The following SLC17A1 variants were observed in gnomAD, a reference collection of about 807,000 sequenced individuals.
SLC17A1 encodes the protein solute carrier family 17 member 1, also known as sodium-dependent phosphate transport protein 1.
Under a neutral mutation model 53.5 loss-of-function variants are expected in SLC17A1, and 51 were observed. That is an observed-to-expected ratio of 0.95 (90% CI 0.76 to 1.20). SLC17A1 has a LOEUF of 1.20. Among genes scored for constraint, SLC17A1 ranks in the 50% most tolerant of loss-of-function variants. The probability of loss-of-function intolerance (pLI) is 0.00; values close to 1 mark genes in which losing one functional copy is unlikely to be tolerated. For missense variants in SLC17A1, 538 were observed against 568.2 expected, an observed-to-expected ratio of 0.95 and a Z score of 0.54; for synonymous variants, 179 against 198.8, an observed-to-expected ratio of 0.90 and a Z score of 0.84.
At chr6:25,794,752 C>T (rs1763570356) in intron 12 of SLC17A1, among the ~76,000 whole-genome samples, 1 of 152,184 alleles carries the variant, frequency 6.6e-6, no homozygotes, top group Non-Finnish European at 1.5e-5. Flanking sequence ...GAAGCAACTT[C>T]TTCCTGGGTG....
intron 12 of SLC17A1, among the ~76,000 whole-genome samples, chr6:25,797,558 T>A (rs567903531): frequency 1.3e-5 from 2 of 152,206 alleles, no homozygotes; most frequent in East Asian, 3.9e-4. Context: ...TATTTAAAAA[T>A]CTGTTATGTC....
At chr6:25,798,076 A>T (rs544488286) in intron 12 of SLC17A1, among the ~76,000 whole-genome samples, 1 of 152,308 alleles carries the variant, frequency 6.6e-6, no homozygotes, top group East Asian at 1.9e-4. Flanking sequence ...TTTCATCAGA[A>T]GGTATACAAT....
the SLC17A1 span, among the ~76,000 whole-genome samples, chr6:25,759,989 G>A: frequency 6.6e-6 from 1 of 152,132 alleles, no homozygotes; most frequent in Non-Finnish European, 1.5e-5. Context: ...ATATTATTCT[G>A]TGTGGCTGTG....
chr6:25,761,814 C>G, the SLC17A1 span: 1 of 615,416 alleles, frequency 1.6e-6, no homozygotes, highest in South Asian at 2.4e-5. Flanking sequence ...TTCATAAACC[C>G]TAATCTACCA....
chr6:25,742,471 A>G, the SLC17A1 span, among the ~76,000 whole-genome samples: 35,306 of 148,156 alleles, frequency 0.24, 4,785 homozygotes, highest in Non-Finnish European at 0.3. Flanking sequence ...CCTGGGCAAC[A>G]TATTGAAATG....
the SLC17A1 span, among the ~76,000 whole-genome samples, chr6:25,756,269 TA>T: frequency 6.6e-6 from 1 of 152,158 alleles, no homozygotes; most frequent in African/African-American, 2.4e-5. Flanking sequence ...ACCTTCTGCC[TA>T]GAAAAACGTG....
At chr6:25,791,021 C>A (rs926037958) in intron 12 of SLC17A1, among the ~76,000 whole-genome samples, 2 of 152,024 alleles carry the variant, frequency 1.3e-5, no homozygotes, top group African/African-American at 4.8e-5. Flanking sequence ...TATAAGATAA[C>A]AACCTTAAGT....
At chr6:25,808,717 C>A (rs1292698821) in intron 10 of SLC17A1, among the ~76,000 whole-genome samples, 1 of 151,880 alleles carries the variant, frequency 6.6e-6, no homozygotes, top group African/African-American at 2.4e-5. Flanking sequence ...CATCTTGTAC[C>A]AGTCAGAATG....
the SLC17A1 span, among the ~76,000 whole-genome samples, chr6:25,739,620 C>T: frequency 1.3e-5 from 2 of 152,062 alleles, no homozygotes; most frequent in Admixed American, 1.3e-4. Flanking sequence ...AAAAGAAAAG[C>T]TATTGGTATA....
At chr6:25,727,130 T>C in the SLC17A1 span, 4 of 1,614,086 alleles carry the variant, frequency 2.5e-6, no homozygotes, top group African/African-American at 5.3e-5. Context: ...TCTTTGAGCG[T>C]ATAGCGAGCG....
At chr6:25,727,512 C>T in the SLC17A1 span, among the ~76,000 whole-genome samples, 2,917 of 151,762 alleles carry the variant, frequency 0.019, 41 homozygotes, top group South Asian at 0.036. Context: ...CTGCCTCAGC[C>T]TCCTGAGCAG....
the SLC17A1 span, among the ~76,000 whole-genome samples, chr6:25,767,224 C>A: frequency 1.3e-5 from 2 of 152,038 alleles, no homozygotes; most frequent in Non-Finnish European, 2.9e-5. Flanking sequence ...TACATATGTA[C>A]ATAAACAACA....
chr6:25,784,373 C>T (rs886109386), intron 12 of SLC17A1, among the ~76,000 whole-genome samples: 3 of 152,140 alleles, frequency 2.0e-5, no homozygotes, highest in Non-Finnish European at 4.4e-5. Context: ...GTACAAGAAG[C>T]ATGATGCCAG....
the SLC17A1 span, among the ~76,000 whole-genome samples, chr6:25,738,879 A>G: frequency 6.6e-6 from 1 of 152,194 alleles, no homozygotes; most frequent in Non-Finnish European, 1.5e-5. Flanking sequence ...AAAAATTGAC[A>G]ACATCAAATG....
intron 10 of SLC17A1, among the ~76,000 whole-genome samples, chr6:25,803,676 G>A (rs1165208): frequency 0.38 from 58,148 of 151,894 alleles, 11,972 homozygotes; most frequent in East Asian, 0.7. Flanking sequence ...TTAAGTATCT[G>A]AACCTCAGTT....
chr6:25,811,377 A>G, intron 10 of SLC17A1, 21 bp downstream of exon 10: 1 of 1,584,616 alleles, frequency 6.3e-7, no homozygotes, highest in Non-Finnish European at 8.6e-7. Context: ...GGTTAAAAAA[A>G]AGCGTATAAA....
chr6:25,781,758 CT>C (rs1183266666), downstream of SLC17A1, among the ~76,000 whole-genome samples: 1 of 152,068 alleles, frequency 6.6e-6, no homozygotes, highest in Non-Finnish European at 1.5e-5. Context: ...TCACTCACCC[CT>C]GAGGAAGAGC....
At chr6:25,749,035 T>C in the SLC17A1 span, among the ~76,000 whole-genome samples, 1 of 152,128 alleles carries the variant, frequency 6.6e-6, no homozygotes, top group African/African-American at 2.4e-5. Flanking sequence ...CCTTCCTCTT[T>C]TACTAATCCT....
chr6:25,770,643 C>T, the SLC17A1 span, among the ~76,000 whole-genome samples: 1 of 152,206 alleles, frequency 6.6e-6, no homozygotes, highest in Non-Finnish European at 1.5e-5. Flanking sequence ...TGAATGCTTA[C>T]TATGTGCCAA....
Sources: gnomAD v4.1 joint callset for allele counts (sites outside exome capture counted in the v4.1 genomes callset) on GRCh38, gnomAD v4.1.1 for gene constraint, MANE v1.5 for transcripts, NCBI Gene and HGNC (gene_info 2026-07-23, HGNC 2026-07-21) for gene names.